The following VGLL4 variants were observed in gnomAD, a reference collection of about 807,000 sequenced individuals.
VGLL4 encodes the protein transcription cofactor vestigial-like protein 4.
A neutral mutation model predicts 21.0 loss-of-function variants in VGLL4; 7 were observed. The observed-to-expected ratio is 0.33, with a 90% confidence interval of 0.19 to 0.63. The LOEUF is 0.63. VGLL4 is among the 20% of genes least tolerant of loss of function. The pLI is 0.78. For synonymous variants in VGLL4, 222 were observed against 173.2 expected, an observed-to-expected ratio of 1.28 and a Z score of -2.21; for missense variants, 394 against 425.7, an observed-to-expected ratio of 0.93 and a Z score of 0.66.
chr3:11,690,462 CT>C (rs1230166813), intron 2 of VGLL4, among the ~76,000 whole-genome samples: 1 of 152,100 alleles, frequency 6.6e-6, no homozygotes, highest in Non-Finnish European at 1.5e-5. Flanking sequence ...ATTTAAAATG[CT>C]TTATTCAAAG....
chr3:11,633,919 TAGA>T (rs1450424804), intron 1 of VGLL4, among the ~76,000 whole-genome samples: 4 of 152,180 alleles, frequency 2.6e-5, no homozygotes, highest in South Asian at 4.1e-4. Context: ...GATGTAAACC[TAGA>T]AGAAGATGAG....
upstream of VGLL4, among the ~76,000 whole-genome samples, chr3:11,644,526 A>G (rs2075757162): frequency 1.3e-5 from 2 of 152,134 alleles, no homozygotes; most frequent in African/African-American, 2.4e-5. Flanking sequence ...AACTACTTTT[A>G]AAGTGTTTTT....
At position 11,662,781 on chromosome 3, in the gene VGLL4, G is replaced by A. The variant is rs1328004253; in HGVS notation, c.64+40190C>T. ...TTTCTCTCTCCTTGTCTTACTGCCT[G>A]GAATGCAAATGTGATGCCTGGAGAT... On this transcript the variant is annotated intron_variant, in intron 2 of 5. Coordinates refer to the VGLL4 transcript ENST00000273038. Among the ~76,000 whole-genome samples, 3 of 152,186 alleles carry A rather than the reference G, an allele frequency of 2.0e-5. No homozygotes were observed. In the East Asian group the frequency reaches 5.8e-4, roughly 29 times the overall value.
In VGLL4 at chr3:11,710,815, T is replaced by C. The variant is rs540803881; in HGVS notation, c.-13-7768A>G. Among the ~76,000 whole-genome samples, 97 of 152,246 alleles carry C rather than the reference T, an allele frequency of 6.4e-4. No homozygotes were observed. The South Asian group carries it at 0.019, about 29-fold the overall frequency. ...TTCTTGGCCATCAAGAATTTAGAGA[T>C]GTGGCTGGGCACCGTGGCTCATGCA... On this transcript the variant is annotated intron_variant, in intron 1 of 5. Transcript: ENST00000273038.
chr3:11,676,530 T>C (rs1332222922), intron 2 of VGLL4, among the ~76,000 whole-genome samples: 1 of 151,802 alleles, frequency 6.6e-6, no homozygotes, highest in Non-Finnish European at 1.5e-5. Context: ...TTTCATCTAC[T>C]GAATCACAAA....
intron 2 of VGLL4, among the ~76,000 whole-genome samples, chr3:11,592,810 G>A (rs986258259): frequency 6.6e-6 from 1 of 152,104 alleles, no homozygotes; most frequent in African/African-American, 2.4e-5. Flanking sequence ...GAGGGATAAC[G>A]ATAGTCTCCA....
In VGLL4 at chr3:11,590,343, G is replaced by C. The variant is rs561320149; in HGVS notation, c.272+11490C>G. Among the ~76,000 whole-genome samples, 7 of 152,336 alleles carry C rather than the reference G, an allele frequency of 4.6e-5. No individual in the cohort carries two copies. The South Asian group carries it at 1.5e-3, about 32-fold the overall frequency. The stretch of plus-strand genomic sequence containing the variant: ...CATTGACCTGACGTAATAGGAGTTG[G>C]TTTGTCCTTTCTACTTGGCCTTGAC... On this transcript the variant is annotated intron_variant, in intron 2 of 4. Coordinates refer to ENST00000430365, the MANE Select transcript of VGLL4 (RefSeq NM_001128219.3).
intron 1 of VGLL4, among the ~76,000 whole-genome samples, chr3:11,603,723 C>T (rs545891389): frequency 1.3e-5 from 2 of 152,158 alleles, no homozygotes; most frequent in African/African-American, 4.8e-5. Context: ...TGGCAGGATG[C>T]GAGGGGATGA....
rs574908287 is a variant in VGLL4 at position 11,598,692 on chromosome 3, A to G, written c.272+3141T>C. ...TTTTTGTAGAGATGGGGGTCTTGCT[A>G]TATTGCCCAGGCTGGTCTCAAACTC... On this transcript the variant is annotated intron_variant, in intron 2 of 4. Transcript: ENST00000430365. 2.2e-4 allele frequency among the ~76,000 whole-genome samples: 34 copies of G among 152,136 alleles called. No homozygotes were observed. The East Asian group carries it at 5.2e-3, about 23-fold the overall frequency.
chr3:11,589,773 T>C (rs962541793), intron 2 of VGLL4, among the ~76,000 whole-genome samples: 4 of 152,228 alleles, frequency 2.6e-5, no homozygotes, highest in Non-Finnish European at 5.9e-5. Context: ...GCCTTCTTGC[T>C]GTGTCCTTAT....
intron 2 of VGLL4, among the ~76,000 whole-genome samples, chr3:11,659,326 CTTTTTTTTTT>C (rs5846714): frequency 1.4e-5 from 1 of 70,824 alleles, no homozygotes; most frequent in Admixed American, 2.0e-4. Flanking sequence ...TTTTCTTTTT[CTTTTTTTTTT>C]TTTTTTTTTT....
chr3:11,602,472 G>T (rs1316645233), intron 1 of VGLL4, among the ~76,000 whole-genome samples: 2 of 151,292 alleles, frequency 1.3e-5, no homozygotes. Context: ...TATAGTCTTG[G>T]TATTTAATTT....
chr3:11,703,022 A>G (rs200067063), exon 2 of VGLL4: 257 of 1,612,564 alleles, frequency 1.6e-4, no homozygotes, highest in Non-Finnish European at 1.3e-4. Context: ...AAAACATCCA[A>G]TGGCGTCTCC....
intron 2 of VGLL4, among the ~76,000 whole-genome samples, chr3:11,681,212 C>T (rs922245350): frequency 7.9e-5 from 12 of 152,158 alleles, no homozygotes; most frequent in Admixed American, 2.6e-4. Context: ...ATTCTCCTGC[C>T]TCAGCCTCCC....
intron 2 of VGLL4, among the ~76,000 whole-genome samples, chr3:11,572,129 C>T (rs1438502653): frequency 6.6e-6 from 1 of 152,104 alleles, no homozygotes; most frequent in Non-Finnish European, 1.5e-5. Flanking sequence ...TGGGGAATCT[C>T]TGAGTAAGTG....
chr3:11,634,205 A>G (rs1220405837), intron 1 of VGLL4, among the ~76,000 whole-genome samples: 7 of 152,144 alleles, frequency 4.6e-5, no homozygotes, highest in Admixed American at 4.6e-4. Context: ...AGCTAAGCCT[A>G]TGAGCTCACC....
chr3:11,670,771 C>T (rs1317081057), intron 2 of VGLL4, among the ~76,000 whole-genome samples: 1 of 152,196 alleles, frequency 6.6e-6, no homozygotes, highest in Non-Finnish European at 1.5e-5. Context: ...GGCACAGTGA[C>T]TCACGCCTGC....
chr3:11,559,812 C>T lies in VGLL4; in HGVS notation c.496-357G>A, dbSNP rs144388930. Among the ~76,000 whole-genome samples, 828 of 152,306 alleles carry T rather than the reference C, an allele frequency of 5.4e-3. 7 individuals carry two copies. The highest frequency in any genetic ancestry group is 0.017 in the African/African-American group (715 of 41,572). Reference sequence around the variant, plus strand: ...GGAGGGACCTCGATTCTCCCGTTAACGTCCCCAGAGCCCTTCCCATCATGT... The same window carrying T: ...GGAGGGACCTCGATTCTCCCGTTAATGTCCCCAGAGCCCTTCCCATCATGT... On this transcript the variant is annotated intron_variant, in intron 3 of 4. Coordinates refer to ENST00000430365, the MANE Select transcript of VGLL4 (RefSeq NM_001128219.3).
At chr3:11,630,115 C>A (rs1044980184) in intron 1 of VGLL4, among the ~76,000 whole-genome samples, 28 of 152,278 alleles carry the variant, frequency 1.8e-4, no homozygotes, top group Admixed American at 5.9e-4. Context: ...AAATCACTAC[C>A]TCTGCCATGA....
Sources: allele counts gnomAD v4.1 joint callset (sites outside exome capture counted in the v4.1 genomes callset), GRCh38; gene constraint gnomAD v4.1.1; transcripts MANE v1.5; gene names NCBI Gene and HGNC (gene_info 2026-07-23, HGNC 2026-07-21).